Variants in PSMD13 observed in about 807,000 individuals in gnomAD.
PSMD13 encodes proteasome 26S subunit, non-ATPase 13.
Under a neutral mutation model 57.4 loss-of-function variants are expected in PSMD13, and 8 were observed. The ratio of observed to expected loss-of-function variants is 0.14; its 90% CI spans 0.08 to 0.25. PSMD13 has a LOEUF of 0.25. PSMD13 is among the 10% of genes least tolerant of loss of function. The probability of loss-of-function intolerance (pLI) is 1.00; values close to 1 mark genes in which losing one functional copy is unlikely to be tolerated. For missense variants in PSMD13, 400 were observed against 461.5 expected (o/e 0.87, Z 1.22); for synonymous variants, 193 against 168.2 (o/e 1.15, Z -1.14).
At position 251,961 on chromosome 11, in the gene PSMD13, C is replaced by A. The variant is rs1343006163; in HGVS notation, c.1035+25C>A. On this transcript the variant is annotated intron_variant, in intron 12 of 12. Coordinates refer to ENST00000532097, the MANE Select transcript of PSMD13 (RefSeq NM_002817.4). This position sits in a 1 kb window ranked among gnomAD's most constrained non-coding sequence, Gnocchi z 4.6. ...GGTGATGTGTTTGAAACCCATTATT[C>A]ACCTCTGTGGATTTTGAGGGGTTGT... The A allele has an allele frequency of 6.3e-7, 1 of 1,594,304 alleles. No individual in the cohort carries two copies. The highest frequency in any genetic ancestry group is 1.1e-5 in the South Asian group (1 of 90,292).
intron 9 of PSMD13, 50 bp from the exon 10 acceptor site, chr11:250,753 T>C (rs769484817): frequency 2.6e-6 from 4 of 1,559,038 alleles, no homozygotes; most frequent in African/African-American, 2.7e-5. Context: ...GTTAAGTAAC[T>C]GATAAGCACA....
Position 243,284 on chromosome 11 carries a change from A to G in PSMD13, c.175-757A>G. The G allele has an allele frequency of 7.1e-6, 3 of 421,244 alleles. 1 individual carries two copies. The highest frequency in any genetic ancestry group is 4.3e-5 in the South Asian group (2 of 46,650). 26.1% of individuals were successfully genotyped at this position (421,244 alleles called of 1,614,324 possible). A position where few individuals can be genotyped will look rare whatever the true frequency, so the allele number is the denominator to read the frequency against. ...ATTTTCCTGTTTGAGCTGGGCCCAG[A>G]TTCTGCTTTTATATTGAACATCACG... On this transcript the variant is annotated intron_variant, in intron 2 of 12. Transcript: ENST00000532097.
At position 240,101 on chromosome 11, in the gene PSMD13, CTTTTT is replaced by C. The variant is rs60869932; in HGVS notation, c.174+1048_174+1052del. ...GTGGGAAAATGATAAATGAGACCTGCTTTTTTTTTTTTTTTTTTTTTTTTTTTGAC... is the reference window on the plus strand; with the variant it reads ...GTGGGAAAATGATAAATGAGACCTGCTTTTTTTTTTTTTTTTTTTTTTGAC... On this transcript the variant is annotated intron_variant, in intron 2 of 12. Transcript: ENST00000532097. Among the ~76,000 whole-genome samples the C allele has an allele frequency of 3.1e-4, 16 of 51,412 alleles. No individual in the cohort carries two copies. The South Asian group carries it at 3.8e-3, about 12-fold the overall frequency. 33.7% of individuals were successfully genotyped at this position (51,412 alleles called of 152,430 possible).
chr11:240,099 TG>T (rs1255490062), intron 2 of PSMD13, among the ~76,000 whole-genome samples: 2 of 132,066 alleles, frequency 1.5e-5, no homozygotes, highest in East Asian at 4.2e-4. Context: ...AAATGAGACC[TG>T]CTTTTTTTTT....
chr11:249,197 C>T lies in PSMD13; in HGVS notation c.774+140C>T, dbSNP rs58132243. 0.011 allele frequency: 12,799 copies of T among 1,198,062 alleles called. 982 individuals are homozygous for T. In the African/African-American group the frequency reaches 0.17, roughly 16 times the overall value. 74.2% of individuals were successfully genotyped at this position (1,198,062 alleles called of 1,614,324 possible). A position where few individuals can be genotyped will look rare whatever the true frequency, so the allele number is the denominator to read the frequency against. On this transcript the variant is annotated intron_variant, in intron 9 of 12. Transcript: ENST00000532097. ...ACCAAGATAGGCTAGTCCTTGCTCT[C>T]ATAGAGCAGAGAGTTAAGTGGTTGG...
At position 252,431 on chromosome 11, in the gene PSMD13, A is replaced by T; in HGVS notation, c.1036-74A>T. 7.3e-7 allele frequency: 1 copy of T among 1,363,038 alleles called. No individual in the cohort carries two copies. Among genetic ancestry groups the T allele is most frequent in the Non-Finnish European group, 1.0e-6 (1 of 953,828 alleles). The allele number at this position is 1,363,038 out of a possible 1,614,324, so 84.4% of individuals were successfully genotyped here. On this transcript the variant is annotated intron_variant, in intron 12 of 12. Coordinates refer to ENST00000532097, the MANE Select transcript of PSMD13 (RefSeq NM_002817.4). The surrounding 1 kb of genome is among the most constrained non-coding windows in gnomAD (Gnocchi z 4.1). The stretch of plus-strand genomic sequence containing the variant: ...GCTGGAGATGTAGAGTCACCCCATC[A>T]GGTGCTGTGCCGGCCGCTCGGCCTG...
intron 7 of PSMD13, 101 bp from the exon 8 acceptor site, chr11:248,675 A>G (rs1859704382): frequency 8.6e-7 from 1 of 1,161,456 alleles, no homozygotes; most frequent in Non-Finnish European, 1.3e-6. Flanking sequence ...AACAACCATT[A>G]CAAACAATGT....
rs532151616 is a variant in PSMD13 at position 243,088 on chromosome 11, C to T, written c.175-953C>T. ...GGATTACAGGCGTGAGCCACTGCGC[C>T]CGGATGGTTACGTCTTTTTCTTTCC... On this transcript the variant is annotated intron_variant, in intron 2 of 12. Transcript: ENST00000532097. 2.4e-4 allele frequency: 119 copies of T among 495,664 alleles called. 3 individuals are homozygous for T. In the East Asian group the frequency reaches 4.8e-3, roughly 20 times the overall value. 30.7% of individuals were successfully genotyped at this position (495,664 alleles called of 1,614,324 possible). A position where few individuals can be genotyped will look rare whatever the true frequency, so the allele number is the denominator to read the frequency against.
At chr11:238,564 G>C (rs1038442640) in intron 1 of PSMD13, among the ~76,000 whole-genome samples, 6 of 152,130 alleles carry the variant, frequency 3.9e-5, no homozygotes, top group African/African-American at 1.2e-4. Context: ...CCTGCTACTC[G>C]GGAGGCTGAG....
At chr11:246,234 A>G (rs10902114) in intron 6 of PSMD13, among the ~76,000 whole-genome samples, 120,485 of 152,130 alleles carry the variant, frequency 0.79, 48,013 homozygotes, top group African/African-American at 0.88. Flanking sequence ...GCCAGGTGCG[A>G]TGGTCACACC....
intron 6 of PSMD13, among the ~76,000 whole-genome samples, chr11:246,394 C>T (rs763701539): frequency 2.0e-5 from 3 of 151,970 alleles, no homozygotes; most frequent in East Asian, 1.9e-4. Flanking sequence ...CCCAGCCACT[C>T]GGGAGGCTGA....
chr11:247,600 A>G (rs1347620833), intron 7 of PSMD13, 152 bp downstream of exon 7: 6 of 769,210 alleles, frequency 7.8e-6, no homozygotes, highest in Admixed American at 3.2e-5. Flanking sequence ...GGAAGGCTGA[A>G]GTGAGTGGAT....
rs761783295 is a variant in PSMD13, at chr11:250,792, A to G, written c.775-11A>G. Reference sequence around the variant, plus strand: ...ATGGAAGACATTTTTCTGTCTTTCTATACTTTACAGCCTGATTTAGCAGCT... The same window carrying G: ...ATGGAAGACATTTTTCTGTCTTTCTGTACTTTACAGCCTGATTTAGCAGCT... On this transcript the variant is annotated splice_polypyrimidine_tract_variant and intron_variant, in intron 9 of 12. Coordinates refer to ENST00000532097, the MANE Select transcript of PSMD13 (RefSeq NM_002817.4). The G allele has an allele frequency of 5.6e-6, 9 of 1,613,110 alleles. No individual in the cohort carries two copies. In the Admixed American group the frequency reaches 6.7e-5, roughly 12 times the overall value.
rs1859767289 is a variant in PSMD13 at position 251,687 on chromosome 11, T to A, written c.918+61T>A. The A allele has an allele frequency of 1.3e-6, 2 of 1,561,792 alleles. No homozygotes were observed. The stretch of plus-strand genomic sequence containing the variant: ...AGCTGCCACATGGAGGAGTCAAGGC[T>A]CTTGTGTGAGCGCTGTGCTCCCTAG... On this transcript the variant is annotated intron_variant, in intron 11 of 12. Transcript: ENST00000532097. The surrounding 1 kb of genome is among the most constrained non-coding windows in gnomAD (Gnocchi z 4.6).
Position 248,785 on chromosome 11 carries a change from A to T in PSMD13, c.578A>T (p.Gln193Leu), listed in dbSNP as rs1422236596. 1 of 1,614,112 alleles carries T rather than the reference A, an allele frequency of 6.2e-7. No individual in the cohort carries two copies. The highest frequency in any genetic ancestry group is 8.5e-7 in the Non-Finnish European group (1 of 1,180,034). ...TGTGTTGCTACCATAGTGTCTGAGCAGCAGGAGAGAGCCTTCACGCTGGGG... is the reference window on the plus strand; with the variant it reads ...TGTGTTGCTACCATAGTGTCTGAGCTGCAGGAGAGAGCCTTCACGCTGGGG... ...VDIKDLPVSE[Q>L]QERAFTLGLA... is the part of the protein sequence containing the mutation. Residue 193 changes from glutamine (Q) to leucine (L), a missense_variant, in exon 8 of 13, where the codon CAG becomes CTG. Coordinates refer to ENST00000532097, the MANE Select transcript of PSMD13 (RefSeq NM_002817.4).
In PSMD13 at chr11:252,448, C is replaced by T. The variant is rs1859782811; in HGVS notation, c.1036-57C>T. 1 of 1,559,928 alleles carries T rather than the reference C, an allele frequency of 6.4e-7. No homozygotes were observed. Among genetic ancestry groups the T allele is most frequent in the Non-Finnish European group, 8.8e-7 (1 of 1,131,640 alleles). ...ACCCCATCAGGTGCTGTGCCGGCCG[C>T]TCGGCCTGTGTCTCCTGCGTGTCTT... On this transcript the variant is annotated intron_variant, in intron 12 of 12. Coordinates refer to ENST00000532097, the MANE Select transcript of PSMD13 (RefSeq NM_002817.4). This position sits in a 1 kb window ranked among gnomAD's most constrained non-coding sequence, Gnocchi z 4.1.
intron 2 of PSMD13, among the ~76,000 whole-genome samples, chr11:240,128 T>TTTTTTTTTC (rs869292581): frequency 7.1e-6 from 1 of 141,614 alleles, no homozygotes; most frequent in Non-Finnish European, 1.5e-5. Context: ...TTTTTTTTTT[T>TTTTTTTTTC]GACGGAGTTT....
rs537020217 is a variant in PSMD13, at chr11:246,760, A to G, written c.397-517A>G. Among the ~76,000 whole-genome samples the G allele has an allele frequency of 2.6e-5, 4 of 152,262 alleles. No individual in the cohort carries two copies. In the South Asian group the frequency reaches 6.2e-4, roughly 24 times the overall value. On this transcript the variant is annotated intron_variant, in intron 6 of 12. Coordinates refer to ENST00000532097, the MANE Select transcript of PSMD13 (RefSeq NM_002817.4). ...TTGCTGATCTAATAGAAGTGAAATT[A>G]TATCTTGTTGGGGGTTTAATTTGCA...
rs1859762319 is a variant in PSMD13 at position 251,430 on chromosome 11, A to C, written c.838-116A>C. 3 of 867,068 alleles carry C rather than the reference A, an allele frequency of 3.5e-6. No individual in the cohort carries two copies. The highest frequency in any genetic ancestry group is 3.5e-6 in the Non-Finnish European group (2 of 563,600). 53.7% of individuals were successfully genotyped at this position (867,068 alleles called of 1,614,324 possible). A position where few individuals can be genotyped will look rare whatever the true frequency, so the allele number is the denominator to read the frequency against. Reference sequence around the variant, plus strand: ...GTCTAATATTAGGAAACTTTTTAGTATGTGGGGTACTAATAAGATCTCTAT... The same window carrying C: ...GTCTAATATTAGGAAACTTTTTAGTCTGTGGGGTACTAATAAGATCTCTAT... On this transcript the variant is annotated intron_variant, in intron 10 of 12. Transcript: ENST00000532097. This position sits in a 1 kb window ranked among gnomAD's most constrained non-coding sequence, Gnocchi z 4.6.
Sources: gnomAD v4.1 joint callset for allele counts (sites outside exome capture counted in the v4.1 genomes callset) on GRCh38, gnomAD v4.1.1 for gene constraint, Gnocchi (gnomAD v3.1) non-coding constraint, MANE v1.5 for transcripts, NCBI Gene and HGNC (gene_info 2026-07-23, HGNC 2026-07-21) for gene names.